The following ENOX2 variants were observed in gnomAD, a reference collection of about 807,000 sequenced individuals.
The protein encoded by ENOX2 is APK1 antigen.
Under a neutral mutation model 45.0 loss-of-function variants are expected in ENOX2, and 36 were observed. That is an observed-to-expected ratio of 0.80 (90% CI 0.61 to 1.06). ENOX2 has a LOEUF of 1.06. Among genes scored for constraint, ENOX2 ranks in the 50% least tolerant of loss-of-function variants. The probability of loss-of-function intolerance (pLI) is 0.00; values close to 1 mark genes in which losing one functional copy is unlikely to be tolerated. For synonymous variants in ENOX2, 174 were observed against 152.3 expected, an observed-to-expected ratio of 1.14 and a Z score of -1.05; for missense variants, 423 against 462.5, an observed-to-expected ratio of 0.91 and a Z score of 0.78.
rs5977336 is a variant in ENOX2, at chrX:130,655,767, T to C, written c.1129+814A>G. ...CTTCTGCCTCAGCCTCCCGAGTAGC[T>C]GGGATAACAGGCATGCACTACCACA... On this transcript the variant is annotated intron_variant, in intron 10 of 14. Transcript: ENST00000394363. Among the ~76,000 whole-genome samples the C allele has an allele frequency of 6.4e-3, 712 of 111,596 alleles. 9 individuals carry two copies. Among genetic ancestry groups the C allele is most frequent in the African/African-American group, 0.022 (672 of 30,671 alleles).
At chrX:130,697,025 T>A (rs2037780309) in intron 4 of ENOX2, among the ~76,000 whole-genome samples, 1 of 111,537 alleles carries the variant, frequency 9.0e-6, no homozygotes, top group African/African-American at 3.3e-5. Context: ...TTTTATAAAT[T>A]ATTGTATTTT....
Position 130,656,617 on chromosome X carries a change from C to T in ENOX2, c.1093G>A (p.Glu365Lys). The T allele has an allele frequency of 8.6e-7, 1 of 1,168,070 alleles. No homozygotes were observed. Among genetic ancestry groups the T allele is most frequent in the Non-Finnish European group, 1.2e-6 (1 of 859,240 alleles). Residue 365 changes from glutamate (E) to lysine (K), a missense_variant, in exon 10 of 15, where the codon GAA becomes AAA. Glu to Lys is a moderately conservative substitution (Grantham distance 56). Transcript: ENST00000394363. ...EEMEMSDDEI[E>K]EMTETKETEE... ...GTTTCTTTTGTTTCTGTCATTTCTT[C>T]TATTTCATCATCAGACATTTCCATT...
chrX:130,808,712 G>C (rs2077345059), intron 2 of ENOX2, among the ~76,000 whole-genome samples: 1 of 111,674 alleles, frequency 9.0e-6, no homozygotes, highest in Admixed American at 9.5e-5. Flanking sequence ...ATTTGGGTGG[G>C]ATAGCAAATA....
rs150374616 is a variant in ENOX2, at chrX:130,696,179, C to T, written c.97+6941G>A. Among the ~76,000 whole-genome samples the T allele has an allele frequency of 8.3e-3, 934 of 112,250 alleles. 10 individuals are homozygous for T. Among genetic ancestry groups the T allele is most frequent in the African/African-American group, 0.028 (867 of 30,961 alleles). On this transcript the variant is annotated intron_variant, in intron 4 of 14. Coordinates refer to ENST00000394363, the MANE Select transcript of ENOX2 (RefSeq NM_006375.4). ...TTCACAAAGGTCCTCCCAAACATAT[C>T]TCAACTTTGATCCCAAATTTCCACC...
chrX:130,786,379 C>G (rs2076968779), intron 2 of ENOX2, among the ~76,000 whole-genome samples: 2 of 110,396 alleles, frequency 1.8e-5, no homozygotes, highest in Admixed American at 9.5e-5. Context: ...GACGGTGAAA[C>G]AGAAAAACTT....
intron 5 of ENOX2, among the ~76,000 whole-genome samples, chrX:130,683,568 C>A (rs906388543): frequency 2.7e-5 from 3 of 111,600 alleles, no homozygotes; most frequent in African/African-American, 9.8e-5. Flanking sequence ...AGATGATATT[C>A]CATTACTTAT....
chrX:130,629,158 T>C (rs1419666622), intron 13 of ENOX2, among the ~76,000 whole-genome samples: 1 of 112,211 alleles, frequency 8.9e-6, no homozygotes, highest in Non-Finnish European at 1.9e-5. Flanking sequence ...TCCAAAGGGA[T>C]GCTATTACTT....
intron 3 of ENOX2, among the ~76,000 whole-genome samples, chrX:130,771,563 T>C (rs2039741923): frequency 8.9e-6 from 1 of 112,099 alleles, no homozygotes; most frequent in Admixed American, 9.4e-5. Context: ...TTTGGATCTA[T>C]CTCCTCTTCT....
chrX:130,878,547 C>T (rs764795291), intron 2 of ENOX2, among the ~76,000 whole-genome samples: 8 of 111,682 alleles, frequency 7.2e-5, no homozygotes, highest in Admixed American at 5.7e-4. Flanking sequence ...CCAATATTCA[C>T]GAACTACTCA....
intron 2 of ENOX2, among the ~76,000 whole-genome samples, chrX:130,846,686 G>C (rs2078113602): frequency 8.9e-6 from 1 of 112,678 alleles, no homozygotes; most frequent in Non-Finnish European, 1.9e-5. Context: ...AGTAAGATTT[G>C]TTTCTACAAA....
At chrX:130,761,058 G>A (rs1054854373) in intron 3 of ENOX2, among the ~76,000 whole-genome samples, 2 of 110,325 alleles carry the variant, frequency 1.8e-5, no homozygotes, top group African/African-American at 3.3e-5. Context: ...ATATATTCCT[G>A]AATTTGGCTT....
intron 3 of ENOX2, among the ~76,000 whole-genome samples, chrX:130,732,956 G>A (rs1003298035): frequency 1.8e-5 from 2 of 111,821 alleles, no homozygotes; most frequent in Middle Eastern, 4.6e-3. Flanking sequence ...CTTGACATTC[G>A]ACTAGGCAAT....
chrX:130,787,856 T>G (rs971423836), intron 2 of ENOX2, among the ~76,000 whole-genome samples: 7 of 111,514 alleles, frequency 6.3e-5, no homozygotes, highest in Admixed American at 4.8e-4. Context: ...AGATCTCATA[T>G]GGAGGGGGGA....
intron 4 of ENOX2, among the ~76,000 whole-genome samples, chrX:130,699,099 T>C (rs1383168448): frequency 1.8e-5 from 2 of 112,366 alleles, no homozygotes; most frequent in East Asian, 5.6e-4. Context: ...ATTAGTCTTA[T>C]TTGACCAGCT....
chrX:130,684,596 C>A (rs2037397116), intron 5 of ENOX2, among the ~76,000 whole-genome samples: 1 of 111,614 alleles, frequency 9.0e-6, no homozygotes, highest in African/African-American at 3.3e-5. Flanking sequence ...TGTCATCATC[C>A]ATCCAATCCT....
intron 2 of ENOX2, among the ~76,000 whole-genome samples, chrX:130,810,039 G>A (rs918943563): frequency 4.5e-5 from 5 of 110,911 alleles, no homozygotes; most frequent in African/African-American, 9.9e-5. Flanking sequence ...AATGATACAC[G>A]GAAGAGTGTA....
chrX:130,902,211 C>G (rs751404196), intron 1 of ENOX2, among the ~76,000 whole-genome samples: 1 of 111,536 alleles, frequency 9.0e-6, no homozygotes, highest in South Asian at 3.8e-4. Context: ...TGGTCTGTTT[C>G]ACACGGTCTA....
intron 3 of ENOX2, among the ~76,000 whole-genome samples, chrX:130,709,637 C>CAAAAAAAAAAAAAAAAAAAAAAA (rs60183563): frequency 3.3e-5 from 1 of 30,112 alleles, no homozygotes; most frequent in Non-Finnish European, 6.3e-5. Context: ...GACTCTGTCT[C>CAAAAAAAAAAAAAAAAAAAAAAA]AAAAAAAAAA....
At chrX:130,838,673 G>C (rs1293234892) in intron 2 of ENOX2, among the ~76,000 whole-genome samples, 2 of 111,850 alleles carry the variant, frequency 1.8e-5, no homozygotes, top group Non-Finnish European at 1.9e-5. Flanking sequence ...TTCCCAGAAT[G>C]ATAGAAAGCA....
Sources: gnomAD v4.1 joint callset for allele counts (sites outside exome capture counted in the v4.1 genomes callset) on GRCh38, gnomAD v4.1.1 for gene constraint, MANE v1.5 for transcripts, NCBI Gene and HGNC (gene_info 2026-07-23, HGNC 2026-07-21) for gene names.